Variants in CADPS observed in about 807,000 individuals in gnomAD.
CADPS encodes calcium-dependent secretion activator 1.
A neutral mutation model predicts 167.3 loss-of-function variants in CADPS; 57 were observed. The ratio of observed to expected loss-of-function variants is 0.34; its 90% CI spans 0.28 to 0.42. The LOEUF is 0.42. Among genes scored for constraint, CADPS ranks in the 20% least tolerant of loss-of-function variants. The pLI is 1.00. For missense variants in CADPS, 1,414 were observed against 1,738.1 expected (o/e 0.81, Z 3.32); for synonymous variants, 676 against 635.3 (o/e 1.06, Z -0.96).
chr3:62,407,234 A>G (rs1030525447), intron 28 of CADPS, among the ~76,000 whole-genome samples: 1 of 152,102 alleles, frequency 6.6e-6, no homozygotes, highest in Non-Finnish European at 1.5e-5. Context: ...AAAGTGGAAC[A>G]CGTTACCAGG....
intron 4 of CADPS, among the ~76,000 whole-genome samples, chr3:62,657,540 C>T (rs984952601): frequency 6.6e-6 from 1 of 152,158 alleles, no homozygotes; most frequent in Non-Finnish European, 1.5e-5. Flanking sequence ...AATTTGGGAA[C>T]ACTTTAATAT....
chr3:62,873,391 G>C (rs980652922), intron 1 of CADPS, among the ~76,000 whole-genome samples: 2 of 152,212 alleles, frequency 1.3e-5, no homozygotes, highest in Non-Finnish European at 2.9e-5. Context: ...GATGGGGTTA[G>C]GACTGGCCTC....
In CADPS at chr3:62,446,072, G is replaced by A. The variant is rs1018977665; in HGVS notation, c.3637-275C>T. Reference sequence around the variant, plus strand: ...TTTTCCTCCCTCCCTCTGAAAAAAAGTAAAGTGACTAGCTAAACCCACATG... The same window carrying A: ...TTTTCCTCCCTCCCTCTGAAAAAAAATAAAGTGACTAGCTAAACCCACATG... On this transcript the variant is annotated intron_variant, in intron 26 of 29. Transcript: ENST00000383710. This position sits in a 1 kb window ranked among gnomAD's most constrained non-coding sequence, Gnocchi z 4.9. 6.6e-6 allele frequency among the ~76,000 whole-genome samples: 1 copy of A among 152,208 alleles called. No homozygotes were observed. Among genetic ancestry groups the A allele is most frequent in the Non-Finnish European group, 1.5e-5 (1 of 68,038 alleles).
chr3:62,732,757 T>G (rs1314477359), intron 3 of CADPS, among the ~76,000 whole-genome samples: 1 of 152,208 alleles, frequency 6.6e-6, no homozygotes, highest in Admixed American at 6.5e-5. Context: ...TGACAGGACA[T>G]GTGTACTCTG....
At chr3:62,418,730 C>T (rs1436692862) in intron 28 of CADPS, among the ~76,000 whole-genome samples, 1 of 151,952 alleles carries the variant, frequency 6.6e-6, no homozygotes, top group African/African-American at 2.4e-5. Context: ...ACCCTCCCAC[C>T]TTTGAACTCA....
chr3:62,697,476 T>C (rs1466311980), intron 3 of CADPS, among the ~76,000 whole-genome samples: 1 of 152,116 alleles, frequency 6.6e-6, no homozygotes, highest in Non-Finnish European at 1.5e-5. Context: ...CTATCGTATA[T>C]ATACCACAAT....
At chr3:62,816,581 A>G (rs1298501226) in intron 1 of CADPS, among the ~76,000 whole-genome samples, 4 of 151,850 alleles carry the variant, frequency 2.6e-5, no homozygotes, top group African/African-American at 9.7e-5. Flanking sequence ...GTAACTTTAA[A>G]TATCTATGTA....
chr3:62,433,791 T>G lies in CADPS; in HGVS notation c.3777+4313A>C, dbSNP rs76695560. On this transcript the variant is annotated intron_variant, in intron 28 of 29. Transcript: ENST00000383710. This position sits in a 1 kb window ranked among gnomAD's most constrained non-coding sequence, Gnocchi z 4.7. ...ACAAGGAAGAAAGAAAATTAATTTT[T>G]GTTTAGACCTTGAAATCTTAGGTGC... Among the ~76,000 whole-genome samples the G allele has an allele frequency of 1.0e-3, 157 of 152,324 alleles. 3 individuals carry two copies. The East Asian group carries it at 0.029, about 28-fold the overall frequency.
At chr3:62,634,954 C>T (rs1436875291) in intron 6 of CADPS, among the ~76,000 whole-genome samples, 1 of 152,152 alleles carries the variant, frequency 6.6e-6, no homozygotes, top group African/African-American at 2.4e-5. Context: ...ATCTTATGCA[C>T]TTCTCTCTGT....
intron 1 of CADPS, among the ~76,000 whole-genome samples, chr3:62,873,686 A>G (rs2083080407): frequency 6.6e-6 from 1 of 151,384 alleles, no homozygotes; most frequent in African/African-American, 2.4e-5. Context: ...CCTCAGACAG[A>G]AAAAGCTTTT....
intron 6 of CADPS, among the ~76,000 whole-genome samples, chr3:62,603,714 C>A (rs560780566): frequency 6.6e-6 from 1 of 152,192 alleles, no homozygotes; most frequent in Non-Finnish European, 1.5e-5. Context: ...CCTCTTCTTG[C>A]ACTTTTTCCA....
intron 6 of CADPS, among the ~76,000 whole-genome samples, chr3:62,595,456 G>A (rs1266752015): frequency 6.6e-6 from 1 of 152,092 alleles, no homozygotes; most frequent in African/African-American, 2.4e-5. Context: ...TTTGGGGCAA[G>A]GAATTAATGT....
At position 62,874,132 on chromosome 3, in the gene CADPS, C is replaced by A. The variant is rs1016442432; in HGVS notation, c.441+457G>T. 1.3e-5 allele frequency among the ~76,000 whole-genome samples: 2 copies of A among 152,216 alleles called. No homozygotes were observed. Among genetic ancestry groups the A allele is most frequent in the Non-Finnish European group, 2.9e-5 (2 of 68,026 alleles). Reference sequence around the variant, plus strand: ...TCTTCTCCCTCCACCTCGGCGCCCCCACCTGCCGTTGCCCCCGCCCGCCGA... The same window carrying A: ...TCTTCTCCCTCCACCTCGGCGCCCCAACCTGCCGTTGCCCCCGCCCGCCGA... On this transcript the variant is annotated intron_variant, in intron 1 of 29. Coordinates refer to ENST00000383710, the MANE Select transcript of CADPS (RefSeq NM_003716.4). This position sits in a 1 kb window ranked among gnomAD's most constrained non-coding sequence, Gnocchi z 7.1.
At chr3:62,712,473 T>A (rs1028008551) in intron 3 of CADPS, among the ~76,000 whole-genome samples, 1 of 152,222 alleles carries the variant, frequency 6.6e-6, no homozygotes, top group Admixed American at 6.5e-5. Context: ...CATATGCTTG[T>A]TGCATGTTTG....
In CADPS at chr3:62,662,380, A is replaced by G; in HGVS notation, c.903T>C (p.Asp301=). 1 of 1,613,912 alleles carries G rather than the reference A, an allele frequency of 6.2e-7. No individual in the cohort carries two copies. The highest frequency in any genetic ancestry group is 1.3e-5 in the African/African-American group (1 of 75,020). Residue 301 remains aspartate (D), a synonymous_variant, in exon 4 of 30, where the codon GAT becomes GAC. Transcript: ENST00000383710. ...CTCGTCTGATCTGGGCTGCTTGCTCATCTGGATTGTCCAGCTGCACAAAAG... is the reference window on the plus strand; with the variant it reads ...CTCGTCTGATCTGGGCTGCTTGCTCGTCTGGATTGTCCAGCTGCACAAAAG... The part of the protein sequence containing the change: ...LYNACQLDNP[D]EQAAQIRREL...
chr3:62,798,690 G>A (rs892718332), intron 1 of CADPS, among the ~76,000 whole-genome samples: 1 of 152,002 alleles, frequency 6.6e-6, no homozygotes, highest in Admixed American at 6.6e-5. Context: ...CCCCTGTGAA[G>A]CTTCCCTCAA....
intron 1 of CADPS, among the ~76,000 whole-genome samples, chr3:62,781,533 T>C (rs2091614330): frequency 6.6e-6 from 1 of 152,058 alleles, no homozygotes; most frequent in Admixed American, 6.5e-5. Flanking sequence ...ACTCCCAGCA[T>C]GGGCAGCCAA....
In CADPS at chr3:62,455,668, C is replaced by A. The variant is rs1161109025; in HGVS notation, c.3636+9699G>T. On this transcript the variant is annotated intron_variant, in intron 26 of 29. Coordinates refer to ENST00000383710, the MANE Select transcript of CADPS (RefSeq NM_003716.4). The surrounding 1 kb of genome is among the most constrained non-coding windows in gnomAD (Gnocchi z 4.4). ...TGCGGATTTTAAGTGGGGGCCCCTG[C>A]CCCCTTCTGGCATTTTTGTGTTTTG... 6.6e-6 allele frequency among the ~76,000 whole-genome samples: 1 copy of A among 152,178 alleles called. No individual in the cohort carries two copies. Among genetic ancestry groups the A allele is most frequent in the African/African-American group, 2.4e-5 (1 of 41,454 alleles).
At chr3:62,837,432 A>T (rs1457473916) in intron 1 of CADPS, among the ~76,000 whole-genome samples, 2 of 152,194 alleles carry the variant, frequency 1.3e-5, no homozygotes, top group African/African-American at 2.4e-5. Context: ...GTGCCAGGGC[A>T]CTTAATAGCC....
Sources: allele counts gnomAD v4.1 joint callset (sites outside exome capture counted in the v4.1 genomes callset), GRCh38; gene constraint gnomAD v4.1.1; non-coding constraint Gnocchi (gnomAD v3.1); transcripts MANE v1.5; gene names NCBI Gene and HGNC (gene_info 2026-07-23, HGNC 2026-07-21).